Variants in SP1 observed in about 807,000 individuals in gnomAD.
SP1 encodes Sp1 transcription factor.
A neutral mutation model predicts 66.3 loss-of-function variants in SP1; 6 were observed. The observed-to-expected ratio is 0.09, with a 90% confidence interval of 0.05 to 0.18. SP1 has a LOEUF of 0.18. Among genes scored for constraint, SP1 ranks in the 10% least tolerant of loss-of-function variants. SP1 has a pLI of 1.00. For missense variants in SP1, 848 were observed against 964.5 expected, an observed-to-expected ratio of 0.88 and a Z score of 1.60; for synonymous variants, 417 against 360.8, an observed-to-expected ratio of 1.16 and a Z score of -1.77.
chr12:53,400,347 C>T (rs1472240908), intron 3 of SP1, among the ~76,000 whole-genome samples: 2 of 151,922 alleles, frequency 1.3e-5, no homozygotes, highest in Non-Finnish European at 2.9e-5. Flanking sequence ...TGTTAGTACT[C>T]TTTTTTTTAT....
chr12:53,381,999 C>G, intron 2 of SP1, 111 bp from the exon 3 acceptor site: 1 of 1,201,772 alleles, frequency 8.3e-7, no homozygotes, highest in Non-Finnish European at 1.2e-6. Flanking sequence ...CTTTTTGTTT[C>G]TGTTTTTTGC....
intron 3 of SP1, among the ~76,000 whole-genome samples, chr12:53,392,636 C>T (rs1322687346): frequency 2.6e-5 from 4 of 151,618 alleles, no homozygotes; most frequent in East Asian, 1.9e-4. Context: ...GGATTACAGG[C>T]GTGAGCCACC....
Position 53,395,337 on chromosome 12 carries a change from C to T in SP1, c.1676-11248C>T, listed in dbSNP as rs925235017. ...CCTGGGCGACAGAGTGAAACTCCGT[C>T]TCAAAAAACAAAAGAATATTTGTAT... is the stretch of plus-strand genomic sequence containing the variant. On this transcript the variant is annotated intron_variant, in intron 3 of 5. Coordinates refer to ENST00000327443, the MANE Select transcript of SP1 (RefSeq NM_138473.3). Among the ~76,000 whole-genome samples, 18 of 152,018 alleles carry T rather than the reference C, an allele frequency of 1.2e-4. No homozygotes were observed. In the East Asian group the frequency reaches 2.7e-3, roughly 23 times the overall value.
chr12:53,408,181 G>A (rs1189189671), intron 4 of SP1, among the ~76,000 whole-genome samples: 3 of 142,698 alleles, frequency 2.1e-5, no homozygotes, highest in Non-Finnish European at 3.1e-5. Flanking sequence ...GGGAGGTGGA[G>A]GTTGCAGTGA....
chr12:53,381,686 C>T lies in SP1; in HGVS notation c.35C>T (p.Thr12Ile). 6.2e-7 allele frequency: 1 copy of T among 1,613,500 alleles called. No individual in the cohort carries two copies. The highest frequency in any genetic ancestry group is 8.5e-7 in the Non-Finnish European group (1 of 1,179,788). ...CAAGATCACTCCATGGATGAAATGA[C>T]AGCTGTGGTGAAAATTGAAAAAGGA... ...SDQDHSMDEM[T>I]AVVKIEKGVG... The change falls in exon 2 of 6, where the codon ACA becomes ATA. Residue 12 changes from threonine (T) to isoleucine (I), a missense_variant. Physicochemically the swap from Thr to Ile is moderately conservative, Grantham distance 89. This residue lies in a region of SP1 where 84 missense variants were observed against 73.9 expected (regional missense o/e 1.14). Coordinates refer to ENST00000327443, the MANE Select transcript of SP1 (RefSeq NM_138473.3).
At chr12:53,393,827 A>T (rs972750566) in intron 3 of SP1, among the ~76,000 whole-genome samples, 3 of 151,210 alleles carry the variant, frequency 2.0e-5, no homozygotes, top group Non-Finnish European at 4.4e-5. Flanking sequence ...TGAACTCCTG[A>T]CCTCAGGTGA....
chr12:53,392,395 C>T (rs1369224795), intron 3 of SP1, among the ~76,000 whole-genome samples: 1 of 123,650 alleles, frequency 8.1e-6, no homozygotes, highest in Non-Finnish European at 1.6e-5. Context: ...CTCGCTCTGT[C>T]GCCCAGGCTG....
chr12:53,383,970 TTTC>T (rs1163020907), intron 3 of SP1, among the ~76,000 whole-genome samples: 2 of 145,728 alleles, frequency 1.4e-5, no homozygotes, highest in African/African-American at 5.1e-5. Flanking sequence ...CACATTTTCT[TTTC>T]TTTTTTTTTT....
At chr12:53,397,567 C>T (rs1430784700) in intron 3 of SP1, among the ~76,000 whole-genome samples, 4 of 147,642 alleles carry the variant, frequency 2.7e-5, no homozygotes, top group African/African-American at 1.0e-4. Flanking sequence ...TGGGTTCAAG[C>T]GACTCTTTTT....
chr12:53,381,922 TAGATAAGGA>T, intron 2 of SP1, 109 bp downstream of exon 2: 1 of 1,311,654 alleles, frequency 7.6e-7, no homozygotes, highest in South Asian at 1.4e-5. Context: ...AACCATTTTA[TAGATAAGGA>T]AGTAAGAGAA....
chr12:53,395,917 T>G (rs564940047), intron 3 of SP1, among the ~76,000 whole-genome samples: 1 of 151,216 alleles, frequency 6.6e-6, no homozygotes, highest in Non-Finnish European at 1.5e-5. Context: ...GTCAGGAGTT[T>G]GAGACCAGCC....
rs1283807975 is a variant in SP1, at chr12:53,411,267, A to G, written c.*27A>G. ...ATCAGGCACCCGGGGCCAGAGACAT[A>G]TGGGCCATACCCCTTAACCCCGGGA... On this transcript the variant is annotated 3_prime_UTR_variant, in exon 6 of 6. Transcript: ENST00000327443. 3 of 1,582,456 alleles carry G rather than the reference A, an allele frequency of 1.9e-6. No individual in the cohort carries two copies. Among genetic ancestry groups the G allele is most frequent in the Non-Finnish European group, 2.6e-6 (3 of 1,159,336 alleles).
In SP1 at chr12:53,380,257, CAGG is replaced by C; in HGVS notation, c.-33_-31del. 2.2e-6 allele frequency: 3 copies of C among 1,382,408 alleles called. No individual in the cohort carries two copies. Among genetic ancestry groups the C allele is most frequent in the Non-Finnish European group, 3.1e-6 (3 of 973,652 alleles). 85.6% of individuals were successfully genotyped at this position (1,382,408 alleles called of 1,614,324 possible). ...CCCGGCCCCCCCCAACCCCCCCGGA[CAGG>C]ACCCCCTTGAGCTTGTCCCTCAGCT... is the stretch of plus-strand genomic sequence containing the variant. On this transcript the variant is annotated 5_prime_UTR_variant, in exon 1 of 6. Coordinates refer to ENST00000327443, the MANE Select transcript of SP1 (RefSeq NM_138473.3).
chr12:53,397,037 G>A (rs1353265871), intron 3 of SP1, among the ~76,000 whole-genome samples: 4 of 151,380 alleles, frequency 2.6e-5, no homozygotes, highest in African/African-American at 4.9e-5. Context: ...TGTTTTGAGC[G>A]GGAGTTTTGC....
intron 3 of SP1, among the ~76,000 whole-genome samples, chr12:53,399,724 G>A (rs1392653483): frequency 4.6e-5 from 7 of 151,584 alleles, no homozygotes; most frequent in African/African-American, 1.2e-4. Flanking sequence ...CGCAACCTCC[G>A]CCTCCTGGGT....
intron 5 of SP1, among the ~76,000 whole-genome samples, chr12:53,410,609 A>G (rs1488691229): frequency 2.0e-5 from 3 of 151,234 alleles, no homozygotes; most frequent in African/African-American, 4.9e-5. Context: ...GGTCCACGCC[A>G]TTCTCCTGCC....
Position 53,406,661 on chromosome 12 carries a change from A to G in SP1, c.1752A>G (p.Glu584=), listed in dbSNP as rs1389647483. ...ATGATGACACAGCAGGTGGAGAGGA[A>G]GGAGAAAACAGCCCAGATGCCCAAC... ...GIHDDTAGGE[E]GENSPDAQPQ... The change falls in exon 4 of 6, where the codon GAA becomes GAG. Residue 584 remains glutamate, a synonymous_variant. Coordinates refer to ENST00000327443, the MANE Select transcript of SP1 (RefSeq NM_138473.3). 12 of 1,614,118 alleles carry G rather than the reference A, an allele frequency of 7.4e-6. No homozygotes were observed. Among genetic ancestry groups the G allele is most frequent in the Non-Finnish European group, 1.0e-5 (12 of 1,179,994 alleles).
chr12:53,385,887 T>A (rs1938216347), intron 3 of SP1, among the ~76,000 whole-genome samples: 1 of 149,226 alleles, frequency 6.7e-6, no homozygotes, highest in Admixed American at 6.8e-5. Context: ...CACTCCAGCC[T>A]GGGTGACAGA....
At chr12:53,391,346 C>CTTTTTTTTTTTTTTTTTTTTTTTTTTTTT (rs71068117) in intron 3 of SP1, among the ~76,000 whole-genome samples, 1 of 97,460 alleles carries the variant, frequency 1.0e-5, no homozygotes, top group Non-Finnish European at 2.0e-5. Flanking sequence ...TAAGTAATGT[C>CTTTTTTTTTTTTTTTTTTTTTTTTTTTTT]TTTTTTTTTT....
Sources: gnomAD v4.1 joint callset for allele counts (sites outside exome capture counted in the v4.1 genomes callset) on GRCh38, gnomAD v4.1.1 for gene constraint, gnomAD v4.1.1 regional missense constraint, MANE v1.5 for transcripts, NCBI Gene and HGNC (gene_info 2026-07-23, HGNC 2026-07-21) for gene names.